The following PSD3 variants were observed in gnomAD, a reference collection of about 807,000 sequenced individuals.
The protein encoded by PSD3 is PH and SEC7 domain-containing protein 3.
In PSD3, 49 loss-of-function variants were observed where a neutral mutation model predicts 105.5. That is an observed-to-expected ratio of 0.46 (90% CI 0.37 to 0.59). The LOEUF is 0.59. Among genes scored for constraint, PSD3 ranks in the 20% least tolerant of loss-of-function variants. PSD3 has a pLI of 0.00. For synonymous variants in PSD3, 557 were observed against 457.8 expected (o/e 1.22, Z -2.77); for missense variants, 1,561 against 1,263.8 (o/e 1.24, Z -3.57).
At chr8:18,805,854 C>T (rs767759801) in intron 4 of PSD3, among the ~76,000 whole-genome samples, 16 of 152,172 alleles carry the variant, frequency 1.1e-4, no homozygotes. Flanking sequence ...TCATTTGCTA[C>T]AAATTATTAT....
At chr8:18,735,229 A>G (rs564524482) in intron 9 of PSD3, among the ~76,000 whole-genome samples, 3 of 152,294 alleles carry the variant, frequency 2.0e-5, no homozygotes, top group East Asian at 3.9e-4. Context: ...AGAGGAGACT[A>G]CTTACCGCCA....
At chr8:18,979,463 A>G (rs1825137057) in intron 1 of PSD3, among the ~76,000 whole-genome samples, 1 of 152,352 alleles carries the variant, frequency 6.6e-6, no homozygotes, top group South Asian at 2.1e-4. Flanking sequence ...TTTCATTCCA[A>G]AACCAGAAAT....
At chr8:19,042,436 A>T (rs1828155535) in intron 1 of PSD3, among the ~76,000 whole-genome samples, 1 of 152,236 alleles carries the variant, frequency 6.6e-6, no homozygotes, top group Admixed American at 6.5e-5. Flanking sequence ...GGTCCATTAT[A>T]TAGAAAGTAA....
intron 1 of PSD3, among the ~76,000 whole-genome samples, chr8:19,068,086 C>G (rs75270914): frequency 6.6e-6 from 1 of 152,136 alleles, no homozygotes; most frequent in African/African-American, 2.4e-5. Context: ...GAATACAGGA[C>G]TGGCTGCACA....
chr8:18,989,921 T>C (rs914577400), intron 1 of PSD3, among the ~76,000 whole-genome samples: 2 of 152,166 alleles, frequency 1.3e-5, no homozygotes, highest in Non-Finnish European at 2.9e-5. Flanking sequence ...CAAAGCAATA[T>C]CCAACAAGAG....
intron 9 of PSD3, among the ~76,000 whole-genome samples, chr8:18,667,087 G>T (rs4921949): frequency 6.6e-6 from 1 of 152,064 alleles, no homozygotes; most frequent in Non-Finnish European, 1.5e-5. Flanking sequence ...GAGTGTTACA[G>T]CTCATAAAGG....
At chr8:18,826,444 C>T (rs1057187191) in intron 4 of PSD3, among the ~76,000 whole-genome samples, 3 of 152,218 alleles carry the variant, frequency 2.0e-5, no homozygotes, top group Non-Finnish European at 2.9e-5. Context: ...TTCTAACTTG[C>T]CTAGTCCAAC....
intron 11 of PSD3, among the ~76,000 whole-genome samples, chr8:18,619,599 C>T (rs971607883): frequency 2.6e-5 from 4 of 151,030 alleles, no homozygotes; most frequent in Non-Finnish European, 5.9e-5. Flanking sequence ...GCTGAGATCA[C>T]GCCACTGCAC....
chr8:18,997,854 A>T (rs1230337479), intron 1 of PSD3, among the ~76,000 whole-genome samples: 2 of 149,842 alleles, frequency 1.3e-5, no homozygotes, highest in African/African-American at 2.5e-5. Flanking sequence ...CTGCAACTCC[A>T]CCCCCTCCCA....
At chr8:18,717,079 G>A (rs995798187) in intron 9 of PSD3, among the ~76,000 whole-genome samples, 17 of 152,106 alleles carry the variant, frequency 1.1e-4, no homozygotes, top group African/African-American at 3.6e-4. Context: ...AAACAAAAAC[G>A]AAATTAGCTT....
intron 1 of PSD3, among the ~76,000 whole-genome samples, chr8:19,043,699 A>G (rs559230067): frequency 1.3e-5 from 2 of 152,290 alleles, no homozygotes; most frequent in South Asian, 4.1e-4. Context: ...ATGCCTTAAT[A>G]AAAGGGCTTT....
intron 9 of PSD3, among the ~76,000 whole-genome samples, chr8:18,747,254 C>T (rs918935872): frequency 6.6e-6 from 1 of 152,130 alleles, no homozygotes; most frequent in African/African-American, 2.4e-5. Flanking sequence ...GTTAACGACA[C>T]TGGAAGGATC....
intron 1 of PSD3, among the ~76,000 whole-genome samples, chr8:18,975,318 T>TAG (rs755184811): frequency 8.4e-6 from 1 of 119,014 alleles, no homozygotes; most frequent in Non-Finnish European, 2.1e-5. Context: ...TCTGAAATTT[T>TAG]TTTTTTTTTT....
intron 2 of PSD3, among the ~76,000 whole-genome samples, chr8:18,922,713 G>T (rs1200676409): frequency 1.3e-5 from 2 of 149,188 alleles, no homozygotes; most frequent in Admixed American, 6.7e-5. Flanking sequence ...CTTCTGACTG[G>T]CTATAAATCA....
intron 10 of PSD3, among the ~76,000 whole-genome samples, chr8:18,641,302 TCAGGGC>T (rs914411350): frequency 9.2e-5 from 14 of 152,150 alleles, no homozygotes; most frequent in Non-Finnish European, 1.9e-4. Context: ...TCCCTGGGCA[TCAGGGC>T]CAGCTGAGTA....
At chr8:18,685,991 ACTTT>A (rs1347271404) in intron 9 of PSD3, among the ~76,000 whole-genome samples, 2 of 152,180 alleles carry the variant, frequency 1.3e-5, no homozygotes, top group Non-Finnish European at 2.9e-5. Context: ...CTCCTGATGA[ACTTT>A]CTTTTCTCCA....
chr8:18,769,076 G>T (rs1421554210), intron 8 of PSD3, among the ~76,000 whole-genome samples: 3 of 150,076 alleles, frequency 2.0e-5, no homozygotes, highest in South Asian at 4.4e-4. Context: ...AACTGTATCA[G>T]GTCAAACAAG....
In PSD3 at chr8:18,964,090, C is replaced by T. The variant is rs150545122; in HGVS notation, c.22-27948G>A. On this transcript the variant is annotated intron_variant, in intron 1 of 15. Transcript: ENST00000327040. ...TTAAAGTAAGAGTTACAAGAAACAC[C>T]ATTCTCTAAATCTAATGAATAACTC... Among the ~76,000 whole-genome samples, 702 of 152,222 alleles carry T rather than the reference C, an allele frequency of 4.6e-3. 2 individuals carry two copies. The highest frequency in any genetic ancestry group is 0.016 in the African/African-American group (673 of 41,536).
At chr8:19,081,191 C>A (rs1271344295) in intron 1 of PSD3, among the ~76,000 whole-genome samples, 1 of 152,128 alleles carries the variant, frequency 6.6e-6, no homozygotes, top group Non-Finnish European at 1.5e-5. Context: ...CCGTTGGCAC[C>A]ACCCTGAGCT....
Sources: allele counts gnomAD v4.1 joint callset (sites outside exome capture counted in the v4.1 genomes callset), GRCh38; gene constraint gnomAD v4.1.1; transcripts MANE v1.5; gene names NCBI Gene and HGNC (gene_info 2026-07-23, HGNC 2026-07-21).